Variants in CACNA2D1 observed in about 807,000 individuals in gnomAD.
The protein encoded by CACNA2D1 is calcium voltage-gated channel auxiliary subunit alpha2delta 1, also known as voltage-dependent calcium channel subunit alpha-2/delta-1.
A neutral mutation model predicts 171.5 loss-of-function variants in CACNA2D1; 53 were observed. That is an observed-to-expected ratio of 0.31 (90% CI 0.25 to 0.39). CACNA2D1 has a LOEUF of 0.39. Ranked by LOEUF, CACNA2D1 falls within the 10% of genes least tolerant of loss-of-function variation. CACNA2D1 has a pLI of 1.00. For synonymous variants in CACNA2D1, 442 were observed against 443.1 expected (o/e 1.00, Z 0.03); for missense variants, 903 against 1,299.8 (o/e 0.69, Z 4.69).
chr7:82,366,182 G>A (rs2129447729), intron 1 of CACNA2D1, among the ~76,000 whole-genome samples: 1 of 152,124 alleles, frequency 6.6e-6, no homozygotes, highest in East Asian at 1.9e-4. Context: ...CGTAGTATTT[G>A]ACACCGTCAT....
intron 1 of CACNA2D1, among the ~76,000 whole-genome samples, chr7:82,352,627 G>A (rs908470428): frequency 6.6e-6 from 1 of 152,154 alleles, no homozygotes; most frequent in Admixed American, 6.6e-5. Context: ...GGGAGGAAGA[G>A]AGAAAACAAC....
chr7:82,272,374 A>G (rs913079047), intron 3 of CACNA2D1, among the ~76,000 whole-genome samples: 1 of 152,198 alleles, frequency 6.6e-6, no homozygotes, highest in African/African-American at 2.4e-5. Flanking sequence ...AAATTACTGT[A>G]GTGGCTTAAA....
intron 2 of CACNA2D1, among the ~76,000 whole-genome samples, chr7:82,336,481 A>G (rs1287873773): frequency 2.0e-5 from 3 of 152,222 alleles, no homozygotes; most frequent in African/African-American, 7.2e-5. Flanking sequence ...TATTCACACT[A>G]TGAGATTTTA....
At chr7:82,413,810 T>C (rs1306941536) in intron 1 of CACNA2D1, among the ~76,000 whole-genome samples, 1 of 152,112 alleles carries the variant, frequency 6.6e-6, no homozygotes, top group Non-Finnish European at 1.5e-5. Context: ...GAAATGCTTA[T>C]TAAATTATTT....
intron 10 of CACNA2D1, among the ~76,000 whole-genome samples, chr7:82,043,633 A>T (rs1197642744): frequency 1.3e-5 from 2 of 152,202 alleles, no homozygotes; most frequent in Non-Finnish European, 2.9e-5. Context: ...TCAGTATCTC[A>T]AATGAAATAA....
chr7:82,400,708 A>T (rs1826294969), intron 1 of CACNA2D1, among the ~76,000 whole-genome samples: 1 of 152,000 alleles, frequency 6.6e-6, no homozygotes, highest in Non-Finnish European at 1.5e-5. Context: ...GACAAATGGG[A>T]TCTAATTAAA....
At chr7:82,394,130 T>A (rs1825512926) in intron 1 of CACNA2D1, among the ~76,000 whole-genome samples, 1 of 152,182 alleles carries the variant, frequency 6.6e-6, no homozygotes, top group Non-Finnish European at 1.5e-5. Flanking sequence ...GAGGGTTTTA[T>A]TAACTCTAGG....
intron 18 of CACNA2D1, among the ~76,000 whole-genome samples, chr7:82,002,782 C>T (rs1798738740): frequency 6.6e-6 from 1 of 151,834 alleles, no homozygotes; most frequent in South Asian, 2.1e-4. Flanking sequence ...AAAGTACACA[C>T]TGAGAAAATG....
At chr7:82,032,384 AT>A (rs906476207) in intron 12 of CACNA2D1, among the ~76,000 whole-genome samples, 1 of 151,770 alleles carries the variant, frequency 6.6e-6, no homozygotes, top group Non-Finnish European at 1.5e-5. Context: ...ATACTTAGAC[AT>A]TTTTTGAGTA....
intron 4 of CACNA2D1, among the ~76,000 whole-genome samples, 199 bp from the exon 5 acceptor site, chr7:82,136,875 T>C (rs1235690854): frequency 1.3e-5 from 2 of 152,128 alleles, no homozygotes; most frequent in Admixed American, 6.6e-5. Context: ...ACATCTTGCA[T>C]TGGGAAAAAG....
chr7:81,976,449 G>A (rs1309869436), intron 24 of CACNA2D1, among the ~76,000 whole-genome samples: 2 of 152,086 alleles, frequency 1.3e-5, no homozygotes, highest in East Asian at 1.9e-4. Flanking sequence ...CCCTGAAGAG[G>A]TCCTTCACAC....
At chr7:82,164,216 ATTT>A (rs1296330854) in intron 4 of CACNA2D1, among the ~76,000 whole-genome samples, 1 of 152,010 alleles carries the variant, frequency 6.6e-6, no homozygotes, top group Non-Finnish European at 1.5e-5. Flanking sequence ...ACAAGTAATT[ATTT>A]TTTAATTAAA....
At chr7:82,397,932 C>T (rs1285039724) in intron 1 of CACNA2D1, among the ~76,000 whole-genome samples, 1 of 152,014 alleles carries the variant, frequency 6.6e-6, no homozygotes, top group African/African-American at 2.4e-5. Context: ...AAACTGGGTG[C>T]TGGAACAGAA....
intron 3 of CACNA2D1, among the ~76,000 whole-genome samples, chr7:82,263,480 A>G (rs1190720555): frequency 6.6e-5 from 10 of 152,162 alleles, no homozygotes; most frequent in Admixed American, 5.9e-4. Flanking sequence ...AGTGTGGGCT[A>G]TAACCCTGGT....
At chr7:82,186,840 T>C (rs1797833904) in intron 3 of CACNA2D1, among the ~76,000 whole-genome samples, 1 of 152,188 alleles carries the variant, frequency 6.6e-6, no homozygotes, top group Non-Finnish European at 1.5e-5. Flanking sequence ...ATTTGAATTC[T>C]GAATGTGGCT....
intron 4 of CACNA2D1, among the ~76,000 whole-genome samples, chr7:82,140,707 G>T (rs1466593731): frequency 6.6e-6 from 1 of 152,070 alleles, no homozygotes; most frequent in Non-Finnish European, 1.5e-5. Flanking sequence ...TGTAGTCCCA[G>T]CAGTTTGGGA....
At chr7:82,263,277 T>A (rs1283000293) in intron 3 of CACNA2D1, among the ~76,000 whole-genome samples, 4 of 151,536 alleles carry the variant, frequency 2.6e-5, no homozygotes, top group Non-Finnish European at 5.9e-5. Flanking sequence ...CCTGGCTGAT[T>A]TTTTTGTATT....
chr7:82,312,156 G>C (rs542402551), intron 3 of CACNA2D1, among the ~76,000 whole-genome samples: 1 of 152,140 alleles, frequency 6.6e-6, no homozygotes, highest in Non-Finnish European at 1.5e-5. Flanking sequence ...ATCAGGCCAA[G>C]GTTAATAAGA....
chr7:82,021,761 G>A (rs1199874502), intron 12 of CACNA2D1, among the ~76,000 whole-genome samples: 1 of 151,956 alleles, frequency 6.6e-6, no homozygotes, highest in African/African-American at 2.4e-5. Flanking sequence ...AAGAAAGAGG[G>A]TGCTGAAATA....
Sources: gnomAD v4.1 joint callset for allele counts (sites outside exome capture counted in the v4.1 genomes callset) on GRCh38, gnomAD v4.1.1 for gene constraint, MANE v1.5 for transcripts, NCBI Gene and HGNC (gene_info 2026-07-23, HGNC 2026-07-21) for gene names.